Variants in CNBD1 observed in about 807,000 individuals in gnomAD.
The protein encoded by CNBD1 is cyclic nucleotide-binding domain-containing protein 1.
In CNBD1, 71 loss-of-function variants were observed where a neutral mutation model predicts 54.4. That is an observed-to-expected ratio of 1.30 (90% CI 1.08 to 1.59). CNBD1 has a LOEUF of 1.59. Among genes scored for constraint, CNBD1 ranks in the 40% most tolerant of loss-of-function variants. The pLI is 0.00. For synonymous variants in CNBD1, 182 were observed against 170.7 expected, an observed-to-expected ratio of 1.07 and a Z score of -0.51; for missense variants, 659 against 518.0, an observed-to-expected ratio of 1.27 and a Z score of -2.64.
intron 4 of CNBD1, among the ~76,000 whole-genome samples, chr8:86,988,724 G>C (rs1326450716): frequency 2.6e-5 from 4 of 151,844 alleles, no homozygotes; most frequent in African/African-American, 9.7e-5. Flanking sequence ...TACCTCCATT[G>C]ATGCAATTGT....
chr8:86,971,446 T>A (rs1386217786), intron 4 of CNBD1, among the ~76,000 whole-genome samples: 1 of 152,224 alleles, frequency 6.6e-6, no homozygotes, highest in Non-Finnish European at 1.5e-5. Context: ...CATATCATTC[T>A]GTTTCACTGA....
chr8:87,313,341 T>C (rs1809309301), intron 8 of CNBD1, among the ~76,000 whole-genome samples: 1 of 152,090 alleles, frequency 6.6e-6, no homozygotes, highest in South Asian at 2.1e-4. Flanking sequence ...AAATGACATG[T>C]GTCTGAATAA....
chr8:87,356,258 G>C (rs1447308036), intron 10 of CNBD1, among the ~76,000 whole-genome samples: 2 of 152,200 alleles, frequency 1.3e-5, no homozygotes, highest in Non-Finnish European at 2.9e-5. Flanking sequence ...TGGGTAGCAA[G>C]CAGAGGTTGG....
chr8:86,993,989 C>T (rs975980795), intron 4 of CNBD1, among the ~76,000 whole-genome samples: 2 of 152,110 alleles, frequency 1.3e-5, no homozygotes, highest in African/African-American at 4.8e-5. Flanking sequence ...GGGTAGAGGT[C>T]GTGGCAGGGA....
intron 4 of CNBD1, among the ~76,000 whole-genome samples, chr8:87,004,559 G>T (rs1481877663): frequency 6.6e-6 from 1 of 150,466 alleles, no homozygotes; most frequent in Admixed American, 6.6e-5. Context: ...AAAAAACCCT[G>T]TAATTTTACT....
chr8:87,355,436 A>C (rs989036441), intron 10 of CNBD1, among the ~76,000 whole-genome samples: 2 of 152,168 alleles, frequency 1.3e-5, no homozygotes, highest in African/African-American at 4.8e-5. Flanking sequence ...TAAGGCTGGT[A>C]GTATATAAGA....
At chr8:87,391,760 A>T (rs1430065947) in intron 2 of CNBD1, among the ~76,000 whole-genome samples, 3 of 152,026 alleles carry the variant, frequency 2.0e-5, no homozygotes, top group African/African-American at 2.4e-5. Flanking sequence ...TTTAGAAGTA[A>T]ATCTTTGTGA....
chr8:87,383,949 T>C (rs1043028841), downstream of CNBD1, among the ~76,000 whole-genome samples: 1 of 152,144 alleles, frequency 6.6e-6, no homozygotes, highest in Non-Finnish European at 1.5e-5. Context: ...ATCATGGCTA[T>C]CTAAATTTTA....
At chr8:87,370,804 T>A (rs1464662484) in intron 10 of CNBD1, among the ~76,000 whole-genome samples, 9 of 149,982 alleles carry the variant, frequency 6.0e-5, no homozygotes, top group Non-Finnish European at 1.2e-4. Context: ...TCCTTGCCCA[T>A]GCCTATGTCC....
In CNBD1 at chr8:86,939,669, C is replaced by T. The variant is rs1439285638; in HGVS notation, c.346C>T (p.Gln116Ter). ...TTCTAACAATATAGCTGTCCATGTTCAGAGAGCACATGGTGGCCATATTTT... is the reference window on the plus strand; with the variant it reads ...TTCTAACAATATAGCTGTCCATGTTTAGAGAGCACATGGTGGCCATATTTT... ...DDSNNIAVHVQRAHGGHILYR... is the reference protein window; with the variant it reads ...DDSNNIAVHV Residue 116 changes from glutamine (Q) to a stop codon, truncating the protein, a stop_gained, in exon 4 of 11, where the codon CAG becomes TAG. Transcript: ENST00000518476. LOFTEE classifies it high-confidence loss of function. The T allele has an allele frequency of 6.2e-7, 1 of 1,605,102 alleles. No homozygotes were observed. Among genetic ancestry groups the T allele is most frequent in the Non-Finnish European group, 8.5e-7 (1 of 1,174,610 alleles).
At chr8:87,357,755 T>C (rs1563567901) in intron 10 of CNBD1, among the ~76,000 whole-genome samples, 1 of 152,050 alleles carries the variant, frequency 6.6e-6, no homozygotes, top group East Asian at 1.9e-4. Context: ...TATATTGCAA[T>C]GTGAGAAGGA....
chr8:87,058,376 C>T (rs1172771154), intron 4 of CNBD1, among the ~76,000 whole-genome samples: 1 of 152,214 alleles, frequency 6.6e-6, no homozygotes, highest in South Asian at 2.1e-4. Context: ...CAGTGGCCCT[C>T]TTCTCACAGC....
intron 6 of CNBD1, among the ~76,000 whole-genome samples, chr8:87,281,598 ATAT>A (rs1808603777): frequency 1.2e-5 from 1 of 82,806 alleles, no homozygotes; most frequent in Non-Finnish European, 2.4e-5. Context: ...ATATATATAT[ATAT>A]AACTAATTTT....
intron 4 of CNBD1, among the ~76,000 whole-genome samples, chr8:87,188,340 G>T (rs1456048938): frequency 1.3e-5 from 2 of 152,160 alleles, no homozygotes; most frequent in Non-Finnish European, 1.5e-5. Flanking sequence ...TAAATTGTGT[G>T]AGGCAAGGAC....
chr8:86,868,499 A>AT (rs1196768420), intron 1 of CNBD1, among the ~76,000 whole-genome samples: 1 of 151,736 alleles, frequency 6.6e-6, no homozygotes, highest in Non-Finnish European at 1.5e-5. Context: ...TGCCTGGCTA[A>AT]TTTTTGTATT....
intron 8 of CNBD1, among the ~76,000 whole-genome samples, chr8:87,346,231 G>T (rs965959205): frequency 6.6e-6 from 1 of 151,848 alleles, no homozygotes. Context: ...AGTAGAGATG[G>T]GGTTTCTCCA....
At chr8:87,276,515 C>T (rs1808483455) in intron 6 of CNBD1, among the ~76,000 whole-genome samples, 1 of 151,752 alleles carries the variant, frequency 6.6e-6, no homozygotes. Context: ...AAAAAACAGT[C>T]CAAACAACAG....
intron 8 of CNBD1, among the ~76,000 whole-genome samples, chr8:87,302,798 C>A (rs949406899): frequency 6.6e-6 from 1 of 151,954 alleles, no homozygotes; most frequent in Non-Finnish European, 1.5e-5. Flanking sequence ...TCTCAGGTTA[C>A]AAAATCAATG....
At chr8:87,414,116 C>G (rs1807797866) in intron 2 of CNBD1, among the ~76,000 whole-genome samples, 1 of 152,010 alleles carries the variant, frequency 6.6e-6, no homozygotes, top group Admixed American at 6.6e-5. Flanking sequence ...AGACTTGGAA[C>G]CAACCCAAAT....
Sources: gnomAD v4.1 joint callset for allele counts (sites outside exome capture counted in the v4.1 genomes callset) on GRCh38, gnomAD v4.1.1 for gene constraint, MANE v1.5 for transcripts, NCBI Gene and HGNC (gene_info 2026-07-23, HGNC 2026-07-21) for gene names.